The following SRGAP2C variants were observed in gnomAD, a reference collection of about 807,000 sequenced individuals.
The protein encoded by SRGAP2C is SLIT-ROBO Rho GTPase-activating protein 2C.
Under a neutral mutation model 25.1 loss-of-function variants are expected in SRGAP2C, and 15 were observed. That is an observed-to-expected ratio of 0.60 (90% CI 0.40 to 0.92). The LOEUF (loss-of-function observed/expected upper bound fraction) is 0.92. SRGAP2C is among the 40% of genes least tolerant of loss of function. SRGAP2C has a pLI of 0.00. For synonymous variants in SRGAP2C, 44 were observed against 96.6 expected (o/e 0.46, Z 3.19); for missense variants, 144 against 264.4 (o/e 0.54, Z 3.16).
At chr1:121,377,959 T>G (rs1659711131) in intron 7 of SRGAP2C, among the ~76,000 whole-genome samples, 1 of 152,198 alleles carries the variant, frequency 6.6e-6, no homozygotes, top group African/African-American at 2.4e-5. Flanking sequence ...TGTGTGACAA[T>G]AGAAGATGTG....
At chr1:121,320,892 C>T (rs1272826057) in intron 3 of SRGAP2C, among the ~76,000 whole-genome samples, 3 of 152,134 alleles carry the variant, frequency 2.0e-5, no homozygotes, top group African/African-American at 7.2e-5. Context: ...CGCTACCCAA[C>T]CACGGTCTAA....
intron 3 of SRGAP2C, among the ~76,000 whole-genome samples, chr1:121,321,408 C>CT (rs1190226858): frequency 3.0e-5 from 3 of 99,862 alleles, no homozygotes; most frequent in Non-Finnish European, 4.1e-5. Flanking sequence ...GTTCTTTTTT[C>CT]TTTTTTTTCT....
chr1:121,339,307 A>T (rs1180253406), intron 4 of SRGAP2C, among the ~76,000 whole-genome samples: 8 of 144,024 alleles, frequency 5.6e-5, no homozygotes, highest in African/African-American at 2.1e-4. Context: ...GCTGGAGTAC[A>T]GTGGCGTGAT....
intron 2 of SRGAP2C, among the ~76,000 whole-genome samples, chr1:121,210,278 G>A (rs1429671582): frequency 6.7e-6 from 1 of 150,086 alleles, no homozygotes; most frequent in African/African-American, 2.5e-5. Flanking sequence ...AATGACATAT[G>A]TATGCTGGTT....
intron 2 of SRGAP2C, among the ~76,000 whole-genome samples, chr1:121,230,952 G>T (rs1416835950): frequency 7.1e-6 from 1 of 140,712 alleles, no homozygotes; most frequent in South Asian, 2.5e-4. Context: ...ACCAAACACC[G>T]CATGTTCTCA....
At chr1:121,275,735 G>T (rs1344584739) in intron 2 of SRGAP2C, among the ~76,000 whole-genome samples, 5 of 148,414 alleles carry the variant, frequency 3.4e-5, no homozygotes, top group African/African-American at 1.2e-4. Flanking sequence ...ACGTCTTTTG[G>T]AAACTTGTAG....
intron 4 of SRGAP2C, among the ~76,000 whole-genome samples, chr1:121,343,059 T>C (rs1476042138): frequency 6.6e-6 from 1 of 151,536 alleles, no homozygotes; most frequent in Non-Finnish European, 1.5e-5. Flanking sequence ...AAATCTTGCT[T>C]AATAACTGTT....
intron 2 of SRGAP2C, among the ~76,000 whole-genome samples, chr1:121,224,134 T>G (rs1229681115): frequency 6.7e-6 from 1 of 148,418 alleles, no homozygotes; most frequent in African/African-American, 2.5e-5. Context: ...ATCTCACTGG[T>G]GAGGCTCACA....
intron 3 of SRGAP2C, among the ~76,000 whole-genome samples, chr1:121,307,250 G>T (rs1179135039): frequency 6.8e-6 from 1 of 146,154 alleles, no homozygotes; most frequent in Non-Finnish European, 1.5e-5. Context: ...CAGGTGTGAG[G>T]CACTGCATCC....
chr1:121,242,119 C>T, intron 2 of SRGAP2C, among the ~76,000 whole-genome samples: 1 of 129,738 alleles, frequency 7.7e-6, no homozygotes, highest in African/African-American at 2.8e-5. Context: ...GGGATCTTTC[C>T]TTGTTGGTAC....
chr1:121,364,308 CCTTTT>C (rs1285460221), intron 4 of SRGAP2C, among the ~76,000 whole-genome samples: 28 of 141,190 alleles, frequency 2.0e-4, no homozygotes, highest in East Asian at 1.0e-3. Flanking sequence ...TCCTTTCTTT[CCTTTT>C]CTTTTCTTTT....
chr1:121,338,870 A>T (rs1202449421), intron 4 of SRGAP2C, among the ~76,000 whole-genome samples: 3 of 143,026 alleles, frequency 2.1e-5, no homozygotes, highest in African/African-American at 7.8e-5. Flanking sequence ...CCTTCAGCTT[A>T]GGGTTTTTTC....
chr1:121,315,076 A>G, intron 3 of SRGAP2C: 1 of 872,462 alleles, frequency 1.1e-6, no homozygotes, highest in African/African-American at 1.8e-5. Context: ...GAGGGTGAGG[A>G]ACTGGCGGGG....
chr1:121,230,636 C>T (rs1570722753), intron 2 of SRGAP2C, among the ~76,000 whole-genome samples: 1 of 150,066 alleles, frequency 6.7e-6, no homozygotes, highest in East Asian at 1.9e-4. Flanking sequence ...GTCTGCATGG[C>T]TCACTCTCTC....
At chr1:121,368,102 A>G (rs1659385510) in intron 5 of SRGAP2C, among the ~76,000 whole-genome samples, 1 of 101,112 alleles carries the variant, frequency 9.9e-6, no homozygotes, top group Non-Finnish European at 2.0e-5. Flanking sequence ...AAAAGGAAAA[A>G]AAGAGAAAGT....
In SRGAP2C at chr1:121,392,384, C is replaced by A. The variant is rs1660124022; in HGVS notation, c.*4529C>A. The stretch of plus-strand genomic sequence containing the variant: ...TCGCTGTTTCTCTTTCTCCCTTTCT[C>A]TTTTTTCTTTTCTTTCAATTTTCTC... On this transcript the variant is annotated 3_prime_UTR_variant, in exon 10 of 10. Coordinates refer to ENST00000367123, the MANE Select transcript of SRGAP2C (RefSeq NM_001329984.2). 6.6e-6 allele frequency: 1 copy of A among 151,842 alleles called. No individual in the cohort carries two copies. Among genetic ancestry groups the A allele is most frequent in the African/African-American group, 2.4e-5 (1 of 41,300 alleles). The allele number at this position is 151,842 out of a possible 1,614,324, so 9.4% of individuals were successfully genotyped here. A position where few individuals can be genotyped will look rare whatever the true frequency, so the allele number is the denominator to read the frequency against.
chr1:121,232,792 G>A (rs1214386554), intron 2 of SRGAP2C, among the ~76,000 whole-genome samples: 3 of 151,826 alleles, frequency 2.0e-5, no homozygotes, highest in African/African-American at 7.3e-5. Context: ...CTTCATTTTG[G>A]TTTGGTGACA....
rs1342801363 is a variant in SRGAP2C, at chr1:121,306,288, G to A, written c.261-18190G>A. Among the ~76,000 whole-genome samples the A allele has an allele frequency of 1.1e-4, 15 of 136,434 alleles. No homozygotes were observed. The East Asian group carries it at 3.2e-3, about 29-fold the overall frequency. 89.5% of individuals were successfully genotyped at this position (136,434 alleles called of 152,430 possible). A position where few individuals can be genotyped will look rare whatever the true frequency, so the allele number is the denominator to read the frequency against. On this transcript the variant is annotated intron_variant, in intron 3 of 9. Coordinates refer to ENST00000367123, the MANE Select transcript of SRGAP2C (RefSeq NM_001329984.2). The stretch of plus-strand genomic sequence containing the variant: ...GTGTTCCTTGGAAAGCAGTGACATT[G>A]GACCCACACCATTGCTTTCAGAATC...
chr1:121,293,661 A>G (rs1450417575), intron 3 of SRGAP2C, among the ~76,000 whole-genome samples: 1 of 151,958 alleles, frequency 6.6e-6, no homozygotes, highest in African/African-American at 2.4e-5. Context: ...CAGTCGGTGA[A>G]CTGTAGCCTT....
Sources: gnomAD v4.1 joint callset for allele counts (sites outside exome capture counted in the v4.1 genomes callset) on GRCh38, gnomAD v4.1.1 for gene constraint, MANE v1.5 for transcripts, NCBI Gene and HGNC (gene_info 2026-07-23, HGNC 2026-07-21) for gene names.